GPC5: variants seen among roughly 807,000 people sequenced by gnomAD.
GPC5 encodes the protein glypican-5.
Under a neutral mutation model 53.9 loss-of-function variants are expected in GPC5, and 47 were observed. That is an observed-to-expected ratio of 0.87 (90% CI 0.69 to 1.11). The LOEUF (loss-of-function observed/expected upper bound fraction) is 1.11, where lower values mean the gene tolerates loss of function less well. Among genes scored for constraint, GPC5 ranks in the 50% most tolerant of loss-of-function variants. The pLI, the probability that GPC5 is intolerant of heterozygous loss-of-function variation, is 0.00. For missense variants in GPC5, 748 were observed against 713.1 expected (o/e 1.05, Z -0.56); for synonymous variants, 286 against 263.3 (o/e 1.09, Z -0.84).
chr13:92,379,435 C>A (rs1015043065), intron 7 of GPC5, among the ~76,000 whole-genome samples: 5 of 152,186 alleles, frequency 3.3e-5, no homozygotes, highest in African/African-American at 9.6e-5. Flanking sequence ...AGAAAAGAGG[C>A]AAAAGCCATT....
chr13:92,695,587 A>G (rs1887534423), intron 7 of GPC5, among the ~76,000 whole-genome samples: 1 of 152,138 alleles, frequency 6.6e-6, no homozygotes, highest in South Asian at 2.1e-4. Context: ...TGATCATCGT[A>G]TCTTTTCCCT....
intron 5 of GPC5, among the ~76,000 whole-genome samples, chr13:91,878,763 C>G (rs1043853093): frequency 6.6e-6 from 1 of 152,134 alleles, no homozygotes; most frequent in Non-Finnish European, 1.5e-5. Context: ...TTCCTGAGAC[C>G]TCCCCAGCCA....
chr13:92,421,698 C>CAAAAAAAAAAAAAAAAAAAAAAAA (rs34055682), intron 7 of GPC5, among the ~76,000 whole-genome samples: 4 of 69,486 alleles, frequency 5.8e-5, no homozygotes, highest in South Asian at 5.2e-4. Context: ...GACTCCGTCT[C>CAAAAAAAAAAAAAAAAAAAAAAAA]AAAAAAAAAA....
intron 2 of GPC5, among the ~76,000 whole-genome samples, chr13:91,501,198 T>C (rs2139295453): frequency 6.6e-6 from 1 of 151,972 alleles, no homozygotes; most frequent in South Asian, 2.1e-4. Context: ...AAGTTATTCG[T>C]AACAGCAACT....
chr13:92,437,331 A>G (rs1877347521), intron 7 of GPC5, among the ~76,000 whole-genome samples: 1 of 152,108 alleles, frequency 6.6e-6, no homozygotes, highest in African/African-American at 2.4e-5. Flanking sequence ...TGATTTATGC[A>G]TTATGTATTC....
chr13:92,181,410 TAAATA>T (rs945454363), intron 7 of GPC5, among the ~76,000 whole-genome samples: 3 of 152,124 alleles, frequency 2.0e-5, no homozygotes, highest in Non-Finnish European at 4.4e-5. Flanking sequence ...AAACAAAAAA[TAAATA>T]AAATTTCCCT....
intron 6 of GPC5, among the ~76,000 whole-genome samples, chr13:92,090,956 C>CT (rs1346397329): frequency 1.3e-5 from 2 of 152,298 alleles, no homozygotes; most frequent in African/African-American, 4.8e-5. Flanking sequence ...CTGTCTTTCT[C>CT]TTTTTTGTGC....
intron 2 of GPC5, among the ~76,000 whole-genome samples, chr13:91,648,024 A>G (rs1033722345): frequency 2.0e-5 from 3 of 152,338 alleles, no homozygotes; most frequent in East Asian, 1.9e-4. Context: ...CTGCTGCTAA[A>G]GGAGCCTCCT....
chr13:92,647,796 A>G (rs892466936), intron 7 of GPC5, among the ~76,000 whole-genome samples: 2 of 152,118 alleles, frequency 1.3e-5, no homozygotes, highest in African/African-American at 4.8e-5. Flanking sequence ...CTGTATTGAA[A>G]TTTAAGTAGA....
chr13:92,259,940 C>G (rs537441533), intron 7 of GPC5, among the ~76,000 whole-genome samples: 1 of 152,120 alleles, frequency 6.6e-6, no homozygotes, highest in Admixed American at 6.6e-5. Flanking sequence ...GGAGGAGTAC[C>G]CAAATCTCGT....
chr13:91,494,777 C>G (rs536943831), intron 2 of GPC5, among the ~76,000 whole-genome samples: 2 of 152,116 alleles, frequency 1.3e-5, no homozygotes, highest in Non-Finnish European at 1.5e-5. Context: ...TTTTTCTCCC[C>G]CCTTATTGAC....
At chr13:92,760,617 T>G (rs1318655221) in intron 7 of GPC5, among the ~76,000 whole-genome samples, 3 of 152,052 alleles carry the variant, frequency 2.0e-5, no homozygotes, top group Non-Finnish European at 4.4e-5. Flanking sequence ...TCTGTTCTAT[T>G]GATTTTTTTC....
rs187852725 is a variant in GPC5, at chr13:92,834,480, G to C, written c.1562-31802G>C. 2.0e-5 allele frequency among the ~76,000 whole-genome samples: 3 copies of C among 152,152 alleles called. No homozygotes were observed. In the East Asian group the frequency reaches 5.8e-4, roughly 30 times the overall value. On this transcript the variant is annotated intron_variant, in intron 7 of 7. Coordinates refer to ENST00000377067, the MANE Select transcript of GPC5 (RefSeq NM_004466.6). ...CACAAGCATCAGTAACATGTATCTAGATAGAAATTATAAAGTTAGACTATA... is the reference window on the plus strand; with the variant it reads ...CACAAGCATCAGTAACATGTATCTACATAGAAATTATAAAGTTAGACTATA...
intron 7 of GPC5, among the ~76,000 whole-genome samples, chr13:92,407,080 G>A (rs530991375): frequency 3.3e-5 from 5 of 152,112 alleles, no homozygotes; most frequent in Non-Finnish European, 7.4e-5. Context: ...ATACCCAATA[G>A]CAACTGAATT....
In GPC5 at chr13:92,687,996, T is replaced by A. The variant is rs1242681190; in HGVS notation, c.1562-178286T>A. 6.9e-5 allele frequency among the ~76,000 whole-genome samples: 5 copies of A among 72,568 alleles called. 1 individual carries two copies. The East Asian group carries it at 6.4e-3, about 93-fold the overall frequency. 47.6% of individuals were successfully genotyped at this position (72,568 alleles called of 152,430 possible). A position where few individuals can be genotyped will look rare whatever the true frequency, so the allele number is the denominator to read the frequency against. On this transcript the variant is annotated intron_variant, in intron 7 of 7. Coordinates refer to ENST00000377067, the MANE Select transcript of GPC5 (RefSeq NM_004466.6). ...ATTTTATTGAGGATTTTTGCATCAATGTTCATCAAGGATATTGGTCTAAAA... is the reference window on the plus strand; with the variant it reads ...ATTTTATTGAGGATTTTTGCATCAAAGTTCATCAAGGATATTGGTCTAAAA...
chr13:92,214,618 A>G (rs1156478981), intron 7 of GPC5, among the ~76,000 whole-genome samples: 9 of 152,160 alleles, frequency 5.9e-5, no homozygotes, highest in Non-Finnish European at 1.3e-4. Context: ...AAAAGGAGGG[A>G]AAAACTGGGA....
In GPC5 at chr13:92,376,319, G is replaced by C. The variant is rs2043693365; in HGVS notation, c.1561+231330G>C. On this transcript the variant is annotated intron_variant, in intron 7 of 7. Transcript: ENST00000377067. ...AGCTGTTTTGCATAACGATCTGGTG[G>C]AGCATATTCTTTAGCTTCCATGTCA... is the stretch of plus-strand genomic sequence containing the variant. 2.0e-5 allele frequency among the ~76,000 whole-genome samples: 3 copies of C among 152,148 alleles called. No homozygotes were observed. The South Asian group carries it at 6.2e-4, about 32-fold the overall frequency.
At chr13:92,555,503 C>T (rs1882462821) in intron 7 of GPC5, among the ~76,000 whole-genome samples, 1 of 151,026 alleles carries the variant, frequency 6.6e-6, no homozygotes, top group South Asian at 2.1e-4. Context: ...CAAAAACCTA[C>T]TTAATTAAAA....
intron 5 of GPC5, among the ~76,000 whole-genome samples, chr13:91,877,085 G>A (rs908568838): frequency 6.6e-5 from 10 of 152,212 alleles, no homozygotes; most frequent in Admixed American, 3.3e-4. Flanking sequence ...GGGGACCTCT[G>A]CCTAGATTTC....
Sources: allele counts gnomAD v4.1 joint callset (sites outside exome capture counted in the v4.1 genomes callset), GRCh38; gene constraint gnomAD v4.1.1; transcripts MANE v1.5; gene names NCBI Gene and HGNC (gene_info 2026-07-23, HGNC 2026-07-21).